The following CEMIP2 variants were observed in gnomAD, a reference collection of about 807,000 sequenced individuals.
CEMIP2 encodes the protein cell surface hyaluronidase CEMIP2.
Under a neutral mutation model 146.9 loss-of-function variants are expected in CEMIP2, and 79 were observed. That is an observed-to-expected ratio of 0.54 (90% CI 0.45 to 0.65). CEMIP2 has a LOEUF of 0.65. Among genes scored for constraint, CEMIP2 ranks in the 30% least tolerant of loss-of-function variants. The pLI, the probability that CEMIP2 is intolerant of heterozygous loss-of-function variation, is 0.00. For synonymous variants in CEMIP2, 601 were observed against 606.3 expected, an observed-to-expected ratio of 0.99 and a Z score of 0.13; for missense variants, 1,596 against 1,696.2, an observed-to-expected ratio of 0.94 and a Z score of 1.04.
At chr9:71,732,659 C>A in intron 6 of CEMIP2, 139 bp from the exon 7 acceptor site, 1 of 480,170 alleles carries the variant, frequency 2.1e-6, no homozygotes, top group Non-Finnish European at 3.1e-6. Context: ...TCTGACACTT[C>A]AGAATCAGAA....
chr9:71,746,396 C>T (rs41316488), intron 2 of CEMIP2, 55 bp from the exon 3 acceptor site: 128,759 of 1,593,760 alleles, frequency 0.081, 6,227 homozygotes, highest in South Asian at 0.19. Context: ...ATAATATAGC[C>T]GAATCTAAGC....
intron 7 of CEMIP2, among the ~76,000 whole-genome samples, chr9:71,731,650 T>C (rs557834158): frequency 6.6e-6 from 1 of 151,732 alleles, no homozygotes; most frequent in South Asian, 2.1e-4. Flanking sequence ...GAGGATCACT[T>C]GATCCCAGGA....
chr9:71,767,139 GCATTAGTAGCTC>G (rs1227341197), intron 1 of CEMIP2, among the ~76,000 whole-genome samples: 1 of 152,176 alleles, frequency 6.6e-6, no homozygotes, highest in Non-Finnish European at 1.5e-5. Flanking sequence ...GGTCAAATAA[GCATTAGTAGCTC>G]CATTCTAGCC....
At chr9:71,704,884 T>A in intron 17 of CEMIP2, 81 bp from the exon 18 acceptor site, 2 of 1,350,724 alleles carry the variant, frequency 1.5e-6, no homozygotes, top group Admixed American at 3.8e-5. Flanking sequence ...CAAAGTCAAG[T>A]GTCTCAACTT....
upstream of CEMIP2, among the ~76,000 whole-genome samples, chr9:71,769,172 G>T (rs17522812): frequency 6.6e-6 from 1 of 152,128 alleles, no homozygotes; most frequent in East Asian, 1.9e-4. Context: ...ACCGGAGCCT[G>T]TGCCTCCAGC....
chr9:71,725,990 C>T (rs1823372488), intron 10 of CEMIP2, among the ~76,000 whole-genome samples: 1 of 152,142 alleles, frequency 6.6e-6, no homozygotes, highest in African/African-American at 2.4e-5. Context: ...CCATCATTAT[C>T]TACGTTAAAA....
chr9:71,685,395 TA>T lies in CEMIP2; in HGVS notation c.3956-3del, dbSNP rs36080695. 73,006 of 1,158,936 alleles carry T rather than the reference TA, an allele frequency of 0.063. 87 individuals are homozygous for T. Among genetic ancestry groups the T allele is most frequent in the South Asian group, 0.078 (2,679 of 34,262 alleles). The allele number at this position is 1,158,936 out of a possible 1,614,324, so 71.8% of individuals were successfully genotyped here. A position where few individuals can be genotyped will look rare whatever the true frequency, so the allele number is the denominator to read the frequency against. ...TGAATCCCAAAAATATGGTACTCCC[TA>T]AAAAAAAAAAAAAAAAAGAAAAAGA... is the stretch of plus-strand genomic sequence containing the variant. On this transcript the variant is annotated splice_region_variant and splice_polypyrimidine_tract_variant and intron_variant, in intron 23 of 23. Transcript: ENST00000377044.
At chr9:71,765,729 T>A (rs1389756764) in intron 1 of CEMIP2, among the ~76,000 whole-genome samples, 2 of 152,198 alleles carry the variant, frequency 1.3e-5, no homozygotes, top group Non-Finnish European at 2.9e-5. Context: ...TTTCCTTATG[T>A]CCGGGGCTAG....
rs763525494 is a variant in CEMIP2, at chr9:71,704,604, T to A, written c.3185A>T (p.Asn1062Ile). 6.2e-7 allele frequency: 1 copy of A among 1,614,032 alleles called. No individual in the cohort carries two copies. The highest frequency in any genetic ancestry group is 8.5e-7 in the Non-Finnish European group (1 of 1,180,010). The change falls in exon 18 of 24, where the codon AAC (asparagine) becomes ATC (isoleucine). Residue 1062 changes from asparagine to isoleucine, a missense_variant. Asn to Ile is a moderately radical substitution (Grantham distance 149, BLOSUM62 -3). Coordinates refer to ENST00000377044, the MANE Select transcript of CEMIP2 (RefSeq NM_013390.3). ...APRTTFLYLV[N>I]FNKNDWIRVG... is the part of the protein sequence containing the mutation. ...AGTAACAGAAACATACTTGTTGAAGTTGACGAGGTATAGAAATGTAGTCCG... is the reference window on the plus strand; with the variant it reads ...AGTAACAGAAACATACTTGTTGAAGATGACGAGGTATAGAAATGTAGTCCG...
chr9:71,740,946 A>G (rs1168201445), intron 4 of CEMIP2, among the ~76,000 whole-genome samples: 2 of 152,002 alleles, frequency 1.3e-5, no homozygotes, highest in Admixed American at 6.6e-5. Context: ...ATGGGACCAG[A>G]GAATTTGTAT....
In CEMIP2 at chr9:71,745,527, C is replaced by A. The variant is rs2132008191; in HGVS notation, c.525G>T (p.Arg175Ser). 6.2e-7 allele frequency: 1 copy of A among 1,613,152 alleles called. No homozygotes were observed. The highest frequency in any genetic ancestry group is 1.1e-5 in the South Asian group (1 of 91,066). The change falls in exon 4 of 24, where the codon AGG becomes AGT. Residue 175 changes from arginine to serine, a missense_variant. Transcript: ENST00000377044. ...CATCCTGGATCAGGATGTAATGAGT[C>A]CTCAAAGTAATATTTCTGGATCCAT... ...NKDGSRNITL[R>S]THYILIQDGG...
At chr9:71,685,985 G>A (rs2131843192) in intron 22 of CEMIP2, 139 bp from the exon 23 acceptor site, 3 of 652,900 alleles carry the variant, frequency 4.6e-6, no homozygotes, top group South Asian at 2.0e-5. Flanking sequence ...AAGTCTAGAT[G>A]ATTTTCCATC....
intron 20 of CEMIP2, 33 bp downstream of exon 20, chr9:71,697,952 C>T (rs375591751): frequency 6.3e-7 from 1 of 1,597,376 alleles, no homozygotes; most frequent in Non-Finnish European, 8.5e-7. Flanking sequence ...ACTTTTTCTC[C>T]TTGGCCACAG....
At chr9:71,715,629 T>G (rs1407284962) in intron 14 of CEMIP2, among the ~76,000 whole-genome samples, 5 of 130,632 alleles carry the variant, frequency 3.8e-5, no homozygotes, top group African/African-American at 1.7e-4. Flanking sequence ...TCTTAAGATA[T>G]ATATATATAT....
intron 7 of CEMIP2, 91 bp downstream of exon 7, chr9:71,732,260 C>T (rs1418523960): frequency 7.8e-7 from 1 of 1,279,832 alleles, no homozygotes; most frequent in Non-Finnish European, 1.1e-6. Context: ...TTTTAATATC[C>T]ATTTATATCT....
intron 12 of CEMIP2, among the ~76,000 whole-genome samples, chr9:71,722,136 C>T (rs1458981526): frequency 2.0e-5 from 3 of 152,186 alleles, no homozygotes; most frequent in African/African-American, 7.2e-5. Flanking sequence ...AATTTGGAAA[C>T]TTTCTCAACA....
chr9:71,705,322 CAA>C (rs1475192860), intron 17 of CEMIP2, among the ~76,000 whole-genome samples: 1 of 151,844 alleles, frequency 6.6e-6, no homozygotes, highest in African/African-American at 2.4e-5. Flanking sequence ...AAGTACTGTG[CAA>C]CAACTGAAAA....
rs564987967 is a variant in CEMIP2, at chr9:71,762,567, A to G, written c.-13+5790T>C. Among the ~76,000 whole-genome samples, 14 of 151,772 alleles carry G rather than the reference A, an allele frequency of 9.2e-5. No homozygotes were observed. The South Asian group carries it at 2.9e-3, about 32-fold the overall frequency. ...ATAACAGGCAAACAGGGGCTACGTG[A>G]CAAGCCCAAGTGCTGCAAGCACTAA... On this transcript the variant is annotated intron_variant, in intron 1 of 23. Coordinates refer to ENST00000377044, the MANE Select transcript of CEMIP2 (RefSeq NM_013390.3).
At chr9:71,758,052 A>G (rs2132037075) in intron 1 of CEMIP2, among the ~76,000 whole-genome samples, 1 of 152,300 alleles carries the variant, frequency 6.6e-6, no homozygotes, top group East Asian at 1.9e-4. Flanking sequence ...GCAGAATATA[A>G]TGTATCACCT....
Sources: gnomAD v4.1 joint callset for allele counts (sites outside exome capture counted in the v4.1 genomes callset) on GRCh38, gnomAD v4.1.1 for gene constraint, MANE v1.5 for transcripts, NCBI Gene and HGNC (gene_info 2026-07-23, HGNC 2026-07-21) for gene names.